Variants in HDAC10 observed in about 807,000 individuals in gnomAD.
HDAC10 encodes the protein polyamine deacetylase HDAC10.
Under a neutral mutation model 82.3 loss-of-function variants are expected in HDAC10, and 90 were observed. The ratio of observed to expected loss-of-function variants is 1.09; its 90% confidence interval spans 0.92 to 1.30. The LOEUF (loss-of-function observed/expected upper bound fraction) is 1.30, where lower values mean the gene tolerates loss of function less well. Ranked by LOEUF, HDAC10 falls within the 50% of genes most tolerant of loss-of-function variation. HDAC10 has a pLI of 0.00. For missense variants in HDAC10, 934 were observed against 876.3 expected, an observed-to-expected ratio of 1.07 and a Z score of -0.83; for synonymous variants, 456 against 391.7, an observed-to-expected ratio of 1.16 and a Z score of -1.94.
rs1345880867 is a variant in HDAC10, at chr22:50,248,119, T to C, written c.1108A>G (p.Ser370Gly). The C allele has an allele frequency of 1.4e-5, 22 of 1,587,534 alleles. No homozygotes were observed. In the Admixed American group the frequency reaches 1.5e-4, roughly 11 times the overall value. ...GGCCTCCCCTCTGGGGAGTGGCTGC[T>C]GGGGCTCATCGGCACAGCGGTCACA... ...QDVTAVPMSP[S>G]SHSPEGRPPP... The change falls in exon 13 of 20, where the codon AGC (serine) becomes GGC (glycine). Residue 370 changes from serine (S) to glycine (G), a missense_variant. Transcript: ENST00000216271. The surrounding 1 kb of genome is among the most constrained non-coding windows in gnomAD (Gnocchi z 5.4).
Position 50,247,952 on chromosome 22 carries a change from C to T in HDAC10, c.1275G>A (p.Leu425=). The T allele has an allele frequency of 9.9e-6, 16 of 1,612,868 alleles. No homozygotes were observed. The highest frequency in any genetic ancestry group is 1.2e-5 in the Non-Finnish European group (14 of 1,179,988). ...ALTTPDITLV[L]PPDVIQQEAS... is the part of the protein sequence containing the mutation. The stretch of plus-strand genomic sequence containing the variant: ...CTTCCTGTTGGATGACGTCAGGGGG[C>T]AGAACCAATGTGATATCCGGCGTTG... Residue 425 remains leucine, a synonymous_variant, in exon 13 of 20, where the codon CTG becomes CTA. Transcript: ENST00000216271.
rs756946870 is a variant in HDAC10, at chr22:50,245,828, C to G, written c.1834-1G>C. 6.4e-7 allele frequency: 1 copy of G among 1,568,418 alleles called. No homozygotes were observed. Among genetic ancestry groups the G allele is most frequent in the Admixed American group, 1.9e-5 (1 of 52,936 alleles). ...TCCCTGCTAGCTGGGGTGTGGAGTT[C>G]TGGACCAGGGGCGAAGACGGAAGCA... On this transcript the variant is annotated splice_acceptor_variant, in intron 18 of 19. Coordinates refer to ENST00000216271, the MANE Select transcript of HDAC10 (RefSeq NM_032019.6). LOFTEE classifies it high-confidence loss of function.
chr22:50,247,451 CA>C lies in HDAC10; in HGVS notation c.1422+240del, dbSNP rs1345318178. ...CCCTGCCTAAATGTATACTTTAAATCACCCCCTTCACCTCTCTGCCAAAGAG... is the reference window on the plus strand; with the variant it reads ...CCCTGCCTAAATGTATACTTTAAATCCCCCCTTCACCTCTCTGCCAAAGAG... On this transcript the variant is annotated intron_variant, in intron 14 of 19. Transcript: ENST00000216271. The C allele has an allele frequency of 6.6e-6, 3 of 456,612 alleles. No homozygotes were observed. In the Admixed American group the frequency reaches 1.2e-4, roughly 18 times the overall value. The allele number at this position is 456,612 out of a possible 1,614,324, so 28.3% of individuals were successfully genotyped here.
In HDAC10 at chr22:50,250,820, G is replaced by A. The variant is rs376109598; in HGVS notation, c.145C>T (p.Arg49Trp). 6.3e-5 allele frequency: 101 copies of A among 1,604,108 alleles called. No homozygotes were observed. The highest frequency in any genetic ancestry group is 8.3e-5 in the Non-Finnish European group (98 of 1,176,800). ...RQRGLEQRCLRLSAREASEEE... is the reference protein window; with the variant it reads ...RQRGLEQRCLWLSAREASEEE... ...TCCGAGGCCTCGCGGGCTGACAACC[G>A]CAGACACCTCTGTTCCAGGCCGCGC... The change falls in exon 2 of 20, where the codon CGG (arginine) becomes TGG (tryptophan). Residue 49 changes from arginine to tryptophan, a missense_variant. Arg to Trp is a moderately radical substitution (Grantham distance 101, BLOSUM62 -3). Transcript: ENST00000216271.
rs1185392556 is a variant in HDAC10, at chr22:50,250,053, C to A, written c.389+10G>T. The A allele has an allele frequency of 1.2e-6, 2 of 1,612,102 alleles. No individual in the cohort carries two copies. Among genetic ancestry groups the A allele is most frequent in the East Asian group, 2.2e-5 (1 of 44,866 alleles). ...ACGGAGGAGCAGCCAGGGGAAGGGG[C>A]AGCTCTCACCTCACCAGGGCAAGCC... On this transcript the variant is annotated intron_variant, in intron 4 of 19. Coordinates refer to ENST00000216271, the MANE Select transcript of HDAC10 (RefSeq NM_032019.6).
rs750725748 is a variant in HDAC10 at position 50,249,319 on chromosome 22, G to A, written c.690+9C>T. On this transcript the variant is annotated intron_variant, in intron 7 of 19. Transcript: ENST00000216271. This position sits in a 1 kb window ranked among gnomAD's most constrained non-coding sequence, Gnocchi z 4.4. ...GCTGGGTGGGGACCTGGGGCTTGAG[G>A]GTGGGCACCTGGTTCCAGGGCAGGT... is the stretch of plus-strand genomic sequence containing the variant. The A allele has an allele frequency of 3.1e-6, 5 of 1,597,052 alleles. No individual in the cohort carries two copies. The highest frequency in any genetic ancestry group is 2.3e-5 in the East Asian group (1 of 44,192).
In HDAC10 at chr22:50,250,149, G is replaced by A. The variant is rs1282196277; in HGVS notation, c.303C>T (p.His101=). Residue 101 remains histidine, a synonymous_variant, in exon 4 of 20, where the codon CAC becomes CAT. Transcript: ENST00000216271. ...DAIYFHPSTF[H]CARLAAGAGL... ...CAGCCCCTGCGGCCAGCCGCGCGCA[G>A]TGAAAGGTACTCTGTGGGCGCAGGG... 5.6e-6 allele frequency: 9 copies of A among 1,612,114 alleles called. No individual in the cohort carries two copies. The highest frequency in any genetic ancestry group is 2.2e-5 in the South Asian group (2 of 91,072).
Position 50,246,297 on chromosome 22 carries a change from C to G in HDAC10, c.1650+1G>C, listed in dbSNP as rs1407954160. Reference sequence around the variant, plus strand: ...CCTTGCCGCGTGGCATGGTCACTCACCACTGGCAGTGGCGTGGAGACATGG... The same window carrying G: ...CCTTGCCGCGTGGCATGGTCACTCAGCACTGGCAGTGGCGTGGAGACATGG... On this transcript the variant is annotated splice_donor_variant, in intron 17 of 19. Transcript: ENST00000216271. LOFTEE classifies it high-confidence loss of function. 6.2e-7 allele frequency: 1 copy of G among 1,612,586 alleles called. No homozygotes were observed. Among genetic ancestry groups the G allele is most frequent in the East Asian group, 2.2e-5 (1 of 44,890 alleles).
rs115053950 is a variant in HDAC10, at chr22:50,247,551, A to G, written c.1422+141T>C. The G allele has an allele frequency of 3.2e-3, 2,049 of 632,378 alleles. 34 individuals carry two copies. The African/African-American group carries it at 0.034, about 11-fold the overall frequency. The allele number at this position is 632,378 out of a possible 1,614,324, so 39.2% of individuals were successfully genotyped here. A position where few individuals can be genotyped will look rare whatever the true frequency, so the allele number is the denominator to read the frequency against. ...CCACCCCTGGGGCTGTTCTGGGAAC[A>G]GTTCCTGGCACAAGGCAATGTTCAC... On this transcript the variant is annotated intron_variant, in intron 14 of 19. Transcript: ENST00000216271.
At chr22:50,250,334 G>T in intron 3 of HDAC10, 93 bp downstream of exon 3, 1 of 1,306,092 alleles carries the variant, frequency 7.7e-7, no homozygotes, top group South Asian at 1.2e-5. Flanking sequence ...TATGGACCAG[G>T]GGACACTGGC....
Position 50,248,928 on chromosome 22 carries a change from G to T in HDAC10, c.757-38C>A, listed in dbSNP as rs377111443. The T allele has an allele frequency of 6.3e-7, 1 of 1,597,430 alleles. No individual in the cohort carries two copies. The highest frequency in any genetic ancestry group is 8.5e-7 in the Non-Finnish European group (1 of 1,171,604). On this transcript the variant is annotated intron_variant, in intron 8 of 19. Transcript: ENST00000216271. This position sits in a 1 kb window ranked among gnomAD's most constrained non-coding sequence, Gnocchi z 5.4. ...CCGGAGTGGGGAGGGTCGACAGAGA[G>T]GGGCTGGAGCCCAGGTGAGGGCGAG...
rs747357458 is a variant in HDAC10 at position 50,245,744 on chromosome 22, G to T, written c.1917C>A (p.Ala639=). 4.0e-5 allele frequency: 65 copies of T among 1,612,250 alleles called. No individual in the cohort carries two copies. Among genetic ancestry groups the T allele is most frequent in the Non-Finnish European group, 5.5e-5 (65 of 1,179,492 alleles). The change falls in exon 19 of 20, where the codon GCC becomes GCA. Residue 639 remains alanine (A), a synonymous_variant. Transcript: ENST00000216271. ...TCAGGGCCTGGACGTCCTCTGGGGA[G>T]GCCACAGAGGAAGGGCCTAGGCTAG... ...APPSLGPSSV[A]SPEDVQALMY...
chr22:50,250,009 G>A (rs2065047356), intron 4 of HDAC10, 45 bp from the exon 5 acceptor site: 1 of 1,606,362 alleles, frequency 6.2e-7, no homozygotes, highest in Non-Finnish European at 8.5e-7. Flanking sequence ...GGTCGCCCTG[G>A]CCCCTCACAG....
Position 50,249,488 on chromosome 22 carries a change from G to C in HDAC10, c.564-34C>G. 1 of 1,611,826 alleles carries C rather than the reference G, an allele frequency of 6.2e-7. No individual in the cohort carries two copies. The highest frequency in any genetic ancestry group is 1.1e-5 in the South Asian group (1 of 91,008). ...AGCCAGCCAGGGCCAGAGGTCAAAG[G>C]TCAGGACCCTCAACAGCTCTACAGC... is the stretch of plus-strand genomic sequence containing the variant. On this transcript the variant is annotated intron_variant, in intron 6 of 19. Transcript: ENST00000216271. The surrounding 1 kb of genome is among the most constrained non-coding windows in gnomAD (Gnocchi z 4.4).
intron 16 of HDAC10, 124 bp from the exon 17 acceptor site, chr22:50,246,500 G>A: frequency 9.6e-7 from 1 of 1,040,502 alleles, no homozygotes. Context: ...CTGAGCCTCT[G>A]TGCTGGAGAC....
At position 50,249,937 on chromosome 22, in the gene HDAC10, C is replaced by T. The variant is rs1364910365; in HGVS notation, c.417G>A (p.Ala139=). 12 of 1,612,518 alleles carry T rather than the reference C, an allele frequency of 7.4e-6. No individual in the cohort carries two copies. The highest frequency in any genetic ancestry group is 5.0e-5 in the Admixed American group (3 of 59,978). The change falls in exon 5 of 20, where the codon GCG becomes GCA. Residue 139 remains alanine, a synonymous_variant. Coordinates refer to ENST00000216271, the MANE Select transcript of HDAC10 (RefSeq NM_032019.6). The surrounding 1 kb of genome is among the most constrained non-coding windows in gnomAD (Gnocchi z 4.4). ...TGAACACACAGAACCCGTTGGCAGCCGCCCTCTGGCCATGGTGCCCGGGAG... is the reference window on the plus strand; with the variant it reads ...TGAACACACAGAACCCGTTGGCAGCTGCCCTCTGGCCATGGTGCCCGGGAG... The part of the protein sequence containing the change: ...VRPPGHHGQR[A]AANGFCVFNN...
intron 14 of HDAC10, 72 bp from the exon 15 acceptor site, chr22:50,247,038 C>T: frequency 1.1e-6 from 1 of 918,840 alleles, no homozygotes; most frequent in Non-Finnish European, 1.7e-6. Flanking sequence ...ATCCACAGTT[C>T]CCTTCATTCG....
Position 50,245,280 on chromosome 22 carries a change from C to T in HDAC10, c.*227G>A. The T allele has an allele frequency of 1.7e-6, 1 of 605,224 alleles. No individual in the cohort carries two copies. The highest frequency in any genetic ancestry group is 2.9e-6 in the Non-Finnish European group (1 of 339,574). The allele number at this position is 605,224 out of a possible 1,614,324, so 37.5% of individuals were successfully genotyped here. A position where few individuals can be genotyped will look rare whatever the true frequency, so the allele number is the denominator to read the frequency against. ...GGGACCGAGCGTGGGTTGCATGGGC[C>T]TCGATGGGACGGGCCGGGGCGCGAT... On this transcript the variant is annotated 3_prime_UTR_variant, in exon 20 of 20. Coordinates refer to ENST00000216271, the MANE Select transcript of HDAC10 (RefSeq NM_032019.6).
Position 50,250,456 on chromosome 22 carries a change from C to T in HDAC10, c.262G>A (p.Gly88Arg), listed in dbSNP as rs1006054475. Residue 88 changes from glycine to arginine, a missense_variant, in exon 3 of 20, where the codon GGA (glycine) becomes AGA (arginine). Physicochemically the swap from Gly to Arg is moderately radical, Grantham distance 125. Coordinates refer to ENST00000216271, the MANE Select transcript of HDAC10 (RefSeq NM_032019.6). Reference protein sequence around the residue: ...LGKEELQALSGQFDAIYFHPS... With the variant: ...LGKEELQALSRQFDAIYFHPS... ...TGGAAGTAGATGGCGTCGAACTGTC[C>T]GGACAGCGCCTGCAGCTCCTCCTTG... 9.3e-6 allele frequency: 15 copies of T among 1,612,838 alleles called. No individual in the cohort carries two copies. Among genetic ancestry groups the T allele is most frequent in the African/African-American group, 2.7e-5 (2 of 74,916 alleles).
Sources: gnomAD v4.1 joint callset for allele counts on GRCh38, gnomAD v4.1.1 for gene constraint, Gnocchi (gnomAD v3.1) non-coding constraint, MANE v1.5 for transcripts, NCBI Gene and HGNC (gene_info 2026-07-23, HGNC 2026-07-21) for gene names.